The following PITPNA variants were observed in gnomAD, a reference collection of about 807,000 sequenced individuals.
PITPNA encodes phosphatidylinositol transfer protein alpha isoform.
In PITPNA, 13 loss-of-function variants were observed where a neutral mutation model predicts 50.3. The ratio of observed to expected loss-of-function variants is 0.26; its 90% confidence interval spans 0.17 to 0.41. The LOEUF (loss-of-function observed/expected upper bound fraction) is 0.41. Among genes scored for constraint, PITPNA ranks in the 10% least tolerant of loss-of-function variants. The pLI is 1.00. For missense variants in PITPNA, 207 were observed against 333.4 expected (o/e 0.62, Z 2.95); for synonymous variants, 120 against 119.6 (o/e 1.00, Z -0.02).
chr17:1,558,680 G>A (rs1034352907), intron 1 of PITPNA, 121 bp from the exon 2 acceptor site: 3 of 699,100 alleles, frequency 4.3e-6, no homozygotes, highest in Admixed American at 2.2e-5. Context: ...ATTCAGTGAC[G>A]AAAACCCCAC....
chr17:1,539,124 T>A (rs2075634375), intron 6 of PITPNA, among the ~76,000 whole-genome samples, 172 bp from the exon 7 acceptor site: 1 of 150,460 alleles, frequency 6.6e-6, no homozygotes, highest in African/African-American at 2.4e-5. Context: ...GAGAATGGAT[T>A]TTTTTTTTTA....
At chr17:1,521,728 T>C (rs894451349) in intron 10 of PITPNA, 83 bp from the exon 11 acceptor site, 9 of 1,139,282 alleles carry the variant, frequency 7.9e-6, no homozygotes, top group East Asian at 2.3e-5. Context: ...ATAGGTGGGG[T>C]GGGGCATATT....
intron 10 of PITPNA, among the ~76,000 whole-genome samples, chr17:1,532,229 A>T (rs1014976497): frequency 6.6e-6 from 1 of 152,104 alleles, no homozygotes; most frequent in African/African-American, 2.4e-5. Context: ...CTGGGATTAC[A>T]GGTGTCCGCC....
chr17:1,521,775 T>A (rs571282639), intron 10 of PITPNA, 130 bp from the exon 11 acceptor site: 1 of 723,360 alleles, frequency 1.4e-6, no homozygotes, highest in Non-Finnish European at 2.5e-6. Flanking sequence ...GACGGAAGAA[T>A]TCTGCATATG....
chr17:1,532,125 T>C (rs1295729642), intron 10 of PITPNA, among the ~76,000 whole-genome samples: 1 of 152,194 alleles, frequency 6.6e-6, no homozygotes, highest in Non-Finnish European at 1.5e-5. Flanking sequence ...TCTTGCTCTG[T>C]CGCCCAGGCT....
intron 3 of PITPNA, 94 bp from the exon 4 acceptor site, chr17:1,548,481 A>T: frequency 1.2e-6 from 1 of 857,090 alleles, no homozygotes; most frequent in Non-Finnish European, 1.8e-6. Flanking sequence ...GGGAGCTGAC[A>T]AGCAAGTTTC....
At chr17:1,522,197 G>C (rs567211482) in intron 10 of PITPNA, among the ~76,000 whole-genome samples, 79 of 149,882 alleles carry the variant, frequency 5.3e-4, no homozygotes, top group African/African-American at 1.9e-3. Context: ...TCAGCCTCCC[G>C]AGTAGCTGGG....
chr17:1,540,062 C>T (rs577147119), intron 6 of PITPNA, among the ~76,000 whole-genome samples: 1 of 152,324 alleles, frequency 6.6e-6, no homozygotes, highest in African/African-American at 2.4e-5. Context: ...TGAGGGTAAA[C>T]GTCACTTCTG....
At chr17:1,559,951 G>A (rs932746088) in intron 1 of PITPNA, 7 of 178,094 alleles carry the variant, frequency 3.9e-5, no homozygotes, top group African/African-American at 1.7e-4. Flanking sequence ...CAACTTGGAG[G>A]CCAGAATTTC....
chr17:1,541,513 C>T, intron 6 of PITPNA, 53 bp downstream of exon 6: 1 of 1,309,004 alleles, frequency 7.6e-7, no homozygotes, highest in South Asian at 1.2e-5. Context: ...GGAGAGGCTA[C>T]AAGGCAGAGA....
intron 4 of PITPNA, among the ~76,000 whole-genome samples, chr17:1,545,805 C>G (rs970981336): frequency 1.3e-5 from 2 of 152,084 alleles, no homozygotes; most frequent in African/African-American, 4.8e-5. Flanking sequence ...AACCCTGCCC[C>G]AGGCAGGGAG....
intron 10 of PITPNA, among the ~76,000 whole-genome samples, chr17:1,526,495 T>G (rs2075548973): frequency 6.6e-6 from 1 of 152,254 alleles, no homozygotes; most frequent in Non-Finnish European, 1.5e-5. Context: ...ATAATAGAAT[T>G]TTTAAAAAGA....
intron 10 of PITPNA, among the ~76,000 whole-genome samples, chr17:1,523,685 T>G (rs1204053034): frequency 2.0e-5 from 3 of 152,026 alleles, no homozygotes; most frequent in East Asian, 3.9e-4. Context: ...TTTTTTTTTG[T>G]ATTTTAATAG....
chr17:1,531,946 G>C (rs976027778), intron 10 of PITPNA, among the ~76,000 whole-genome samples: 1 of 152,174 alleles, frequency 6.6e-6, no homozygotes, highest in Non-Finnish European at 1.5e-5. Flanking sequence ...CAATGAGGTG[G>C]ACTTGCTTTC....
Position 1,538,928 on chromosome 17 carries a change from A to G in PITPNA, c.397T>C (p.Trp133Arg). Residue 133 changes from tryptophan (W) to arginine (R), a missense_variant, in exon 7 of 12, where the codon TGG becomes CGG. Physicochemically the swap from Trp to Arg is moderately radical, Grantham distance 101. Transcript: ENST00000313486. ...ENVHKLEPEA[W>R]KHVEAVYIDI... ...ATATATACGGCTTCCACGTGTTTCCACGCCTCAGGCTCCAGCTTATGCACC... is the reference window on the plus strand; with the variant it reads ...ATATATACGGCTTCCACGTGTTTCCGCGCCTCAGGCTCCAGCTTATGCACC... The G allele has an allele frequency of 6.2e-7, 1 of 1,613,626 alleles. No individual in the cohort carries two copies. Among genetic ancestry groups the G allele is most frequent in the Non-Finnish European group, 8.5e-7 (1 of 1,179,598 alleles).
At chr17:1,554,994 C>T (rs1273570734) in intron 2 of PITPNA, among the ~76,000 whole-genome samples, 1 of 152,136 alleles carries the variant, frequency 6.6e-6, no homozygotes, top group Non-Finnish European at 1.5e-5. Context: ...CATGAAAACC[C>T]GTCAGGTGGG....
intron 4 of PITPNA, among the ~76,000 whole-genome samples, chr17:1,545,380 C>A (rs2075667757): frequency 6.6e-6 from 1 of 152,200 alleles, no homozygotes; most frequent in Non-Finnish European, 1.5e-5. Context: ...AACTAATAAC[C>A]TCTCTCCCAT....
chr17:1,534,923 C>CT (rs2075606014), intron 9 of PITPNA, among the ~76,000 whole-genome samples: 2 of 152,260 alleles, frequency 1.3e-5, no homozygotes, highest in Admixed American at 6.5e-5. Context: ...GTTGGCAACC[C>CT]TGTCATGCAG....
At chr17:1,560,315 A>T (rs1432954297) in intron 1 of PITPNA, among the ~76,000 whole-genome samples, 1 of 152,124 alleles carries the variant, frequency 6.6e-6, no homozygotes, top group East Asian at 1.9e-4. Flanking sequence ...CTGGAGCGGC[A>T]CTCACTCTAA....
Sources: gnomAD v4.1 joint callset for allele counts (sites outside exome capture counted in the v4.1 genomes callset) on GRCh38, gnomAD v4.1.1 for gene constraint, MANE v1.5 for transcripts, NCBI Gene and HGNC (gene_info 2026-07-23, HGNC 2026-07-21) for gene names.